Variants in DTL observed in about 807,000 individuals in gnomAD.
The protein encoded by DTL is denticleless protein homolog.
A neutral mutation model predicts 87.0 loss-of-function variants in DTL; 46 were observed. The ratio of observed to expected loss-of-function variants is 0.53; its 90% CI spans 0.42 to 0.68. DTL has a LOEUF of 0.68. Ranked by LOEUF, DTL falls within the 30% of genes least tolerant of loss-of-function variation. DTL has a pLI of 0.00. For synonymous variants in DTL, 308 were observed against 311.2 expected (o/e 0.99, Z 0.11); for missense variants, 737 against 869.4 (o/e 0.85, Z 1.91).
chr1:212,044,574 G>A (rs1667752216), intron 2 of DTL, 86 bp from the exon 3 acceptor site: 5 of 788,088 alleles, frequency 6.3e-6, no homozygotes, highest in Non-Finnish European at 1.0e-5. Context: ...TTGCACTCCA[G>A]TCTGGGTGAC....
intron 14 of DTL, among the ~76,000 whole-genome samples, chr1:212,101,348 A>C (rs1424594220): frequency 6.6e-6 from 1 of 151,984 alleles, no homozygotes; most frequent in East Asian, 1.9e-4. Flanking sequence ...AACTCTACTT[A>C]CTCCCATTAA....
intron 13 of DTL, among the ~76,000 whole-genome samples, chr1:212,089,761 AAC>A (rs1655230680): frequency 6.6e-6 from 1 of 152,212 alleles, no homozygotes; most frequent in African/African-American, 2.4e-5. Context: ...CCAACTTTCC[AAC>A]ACATCAATTT....
At chr1:212,049,977 G>A (rs951682118) in intron 5 of DTL, among the ~76,000 whole-genome samples, 2 of 140,792 alleles carry the variant, frequency 1.4e-5, no homozygotes, top group Non-Finnish European at 3.1e-5. Context: ...AGGAGTTCAC[G>A]ACCAGCCTGG....
chr1:212,062,840 A>G, intron 5 of DTL, 44 bp from the exon 6 acceptor site: 1 of 1,495,434 alleles, frequency 6.7e-7, no homozygotes, highest in Non-Finnish European at 9.3e-7. Flanking sequence ...TGTGTCATTG[A>G]CTGGTTTTGT....
At chr1:212,068,819 T>G (rs1571961345) in intron 10 of DTL, 116 bp downstream of exon 10, 1 of 602,412 alleles carries the variant, frequency 1.7e-6, no homozygotes. Context: ...ATGAGGACTT[T>G]GGCATCTTTG....
At chr1:212,062,775 C>T in intron 5 of DTL, 109 bp from the exon 6 acceptor site, 1 of 745,854 alleles carries the variant, frequency 1.3e-6, no homozygotes, top group Non-Finnish European at 2.3e-6. Context: ...TCTCCAGTGA[C>T]AGATACAGTA....
chr1:212,064,049 C>T (rs2084957794), intron 6 of DTL, among the ~76,000 whole-genome samples: 1 of 151,948 alleles, frequency 6.6e-6, no homozygotes, highest in Admixed American at 6.5e-5. Context: ...CATGCCACCA[C>T]TCCCAGCTAG....
intron 5 of DTL, among the ~76,000 whole-genome samples, chr1:212,054,862 A>G (rs1225055933): frequency 6.6e-6 from 1 of 152,012 alleles, no homozygotes; most frequent in East Asian, 1.9e-4. Context: ...TCCCCAAACA[A>G]CAGTTTCTAT....
chr1:212,037,507 CTG>C (rs1425127137), intron 1 of DTL, among the ~76,000 whole-genome samples: 1 of 152,168 alleles, frequency 6.6e-6, no homozygotes, highest in African/African-American at 2.4e-5. Context: ...CTCTTGGAAA[CTG>C]TGACTTTAGG....
chr1:212,052,696 C>T (rs1668027930), intron 5 of DTL, among the ~76,000 whole-genome samples: 1 of 150,246 alleles, frequency 6.7e-6, no homozygotes, highest in South Asian at 2.1e-4. Flanking sequence ...CATATTCTCT[C>T]TCCTCCCTGC....
Position 212,043,005 on chromosome 1 carries a change from A to G in DTL, c.65A>G (p.Gln22Arg). ...TATCTTGTTTTAGGATGGTCTTCAC[A>G]ATACCCTCTTCAATCCCTTCTGACT... is the stretch of plus-strand genomic sequence containing the variant. ...LGVLRNGWSS[Q>R]YPLQSLLTGY... Residue 22 changes from glutamine (Q) to arginine (R), a missense_variant, in exon 2 of 15, where the codon CAA becomes CGA. Coordinates refer to ENST00000366991, the MANE Select transcript of DTL (RefSeq NM_016448.4). The G allele has an allele frequency of 6.2e-7, 1 of 1,609,458 alleles. No individual in the cohort carries two copies. The highest frequency in any genetic ancestry group is 1.3e-5 in the African/African-American group (1 of 74,880).
chr1:212,060,612 G>A (rs1654248878), intron 5 of DTL, among the ~76,000 whole-genome samples: 1 of 151,916 alleles, frequency 6.6e-6, no homozygotes, highest in African/African-American at 2.4e-5. Flanking sequence ...AGGCGCGCCT[G>A]TAGTCCCAGC....
chr1:212,043,397 A>C (rs574162685), intron 2 of DTL, among the ~76,000 whole-genome samples: 1 of 152,350 alleles, frequency 6.6e-6, no homozygotes, highest in East Asian at 1.9e-4. Flanking sequence ...CTACTATGAA[A>C]ACTGTTTTAT....
intron 6 of DTL, among the ~76,000 whole-genome samples, chr1:212,064,667 G>T (rs1654439451): frequency 6.6e-6 from 1 of 152,128 alleles, no homozygotes; most frequent in African/African-American, 2.4e-5. Context: ...ATGAACCAAA[G>T]TTTATCCATT....
At chr1:212,042,467 T>C (rs1401283953) in intron 1 of DTL, among the ~76,000 whole-genome samples, 1 of 152,242 alleles carries the variant, frequency 6.6e-6, no homozygotes, top group East Asian at 1.9e-4. Flanking sequence ...GTACTATAAT[T>C]GCTGCTATTG....
chr1:212,100,908 T>C lies in DTL; in HGVS notation c.1918T>C (p.Leu640=). 6.2e-7 allele frequency: 1 copy of C among 1,614,186 alleles called. No individual in the cohort carries two copies. The change falls in exon 14 of 15, where the codon TTG becomes CTG. Residue 640 remains leucine, a synonymous_variant. Transcript: ENST00000366991. ...SESCGTLPLP[L]RPCGEGSEMV... ...AAGCTGTGGAACGCTACCTCTTCCT[T>C]TGAGACCTTGTGGAGAAGGGTCTGA...
chr1:212,061,568 A>T (rs1654312690), intron 5 of DTL, among the ~76,000 whole-genome samples: 1 of 152,224 alleles, frequency 6.6e-6, no homozygotes, highest in Non-Finnish European at 1.5e-5. Flanking sequence ...TTCAAAGACA[A>T]ACAGTATATC....
intron 5 of DTL, among the ~76,000 whole-genome samples, chr1:212,059,384 T>C (rs1668271170): frequency 6.6e-6 from 1 of 151,140 alleles, no homozygotes; most frequent in Non-Finnish European, 1.5e-5. Context: ...TCAATAAACA[T>C]GATACATACG....
chr1:212,100,313 C>G lies in DTL; in HGVS notation c.1323C>G (p.Ser441=), dbSNP rs774205804. Residue 441 remains serine, a synonymous_variant, in exon 14 of 15, where the codon TCC becomes TCG. Coordinates refer to ENST00000366991, the MANE Select transcript of DTL (RefSeq NM_016448.4). ...CCCCCAGGGCAAAGTGCAATCCATC[C>G]AATTCTTCCCCGTCATCCGCAGCTT... The part of the protein sequence containing the change: ...AKAPRAKCNP[S]NSSPSSAACA... The G allele has an allele frequency of 2.5e-6, 4 of 1,610,830 alleles. No homozygotes were observed. The highest frequency in any genetic ancestry group is 2.5e-6 in the Non-Finnish European group (3 of 1,178,606).
Sources: gnomAD v4.1 joint callset for allele counts (sites outside exome capture counted in the v4.1 genomes callset) on GRCh38, gnomAD v4.1.1 for gene constraint, MANE v1.5 for transcripts, NCBI Gene and HGNC (gene_info 2026-07-23, HGNC 2026-07-21) for gene names.